The following FBXO34 variants were observed in gnomAD, a reference collection of about 807,000 sequenced individuals.
FBXO34 encodes the protein F-box protein 34.
FBXO34 carries 12 observed loss-of-function variants against 24.5 expected under a neutral mutation model. The observed-to-expected ratio is 0.49, with a 90% confidence interval of 0.31 to 0.79. The LOEUF (loss-of-function observed/expected upper bound fraction) is 0.79, where lower values mean the gene tolerates loss of function less well. Ranked by LOEUF, FBXO34 falls within the 30% of genes least tolerant of loss-of-function variation. FBXO34 has a pLI of 0.04. For synonymous variants in FBXO34, 320 were observed against 311.9 expected (o/e 1.03, Z -0.27); for missense variants, 823 against 857.7 (o/e 0.96, Z 0.51).
the FBXO34 span, among the ~76,000 whole-genome samples, chr14:55,390,015 G>A: frequency 1.3e-5 from 2 of 151,678 alleles, no homozygotes; most frequent in African/African-American, 2.4e-5. Flanking sequence ...TTACAAGTGA[G>A]TACCAAGTTA....
the FBXO34 span, among the ~76,000 whole-genome samples, chr14:55,438,127 C>A: frequency 6.6e-6 from 1 of 152,132 alleles, no homozygotes; most frequent in East Asian, 1.9e-4. Flanking sequence ...GCACTGCTTG[C>A]AGGAGAAACT....
Position 55,321,536 on chromosome 14 carries a change from A to G in FBXO34, c.-10-28845A>G, listed in dbSNP as rs920095272. Among the ~76,000 whole-genome samples, 8 of 152,046 alleles carry G rather than the reference A, an allele frequency of 5.3e-5. No homozygotes were observed. The South Asian group carries it at 1.5e-3, about 28-fold the overall frequency. On this transcript the variant is annotated intron_variant, in intron 1 of 1. Transcript: ENST00000313833. ...CTCAGCCTCCTGAGTAGCTGGGATT[A>G]CAGCCAAATGCCACCACCCCCGGCT...
the FBXO34 span, chr14:55,433,674 G>T: frequency 8.7e-6 from 14 of 1,613,788 alleles, no homozygotes; most frequent in African/African-American, 1.9e-4. Context: ...TAAATATAAG[G>T]GCTGTTGTCC....
chr14:55,410,241 T>C, the FBXO34 span, among the ~76,000 whole-genome samples: 1 of 152,238 alleles, frequency 6.6e-6, no homozygotes, highest in East Asian at 1.9e-4. Context: ...AATAAGCAGC[T>C]GTTTTCTGGA....
the FBXO34 span, chr14:55,411,636 C>T: frequency 6.2e-7 from 1 of 1,612,880 alleles, no homozygotes; most frequent in South Asian, 1.1e-5. Flanking sequence ...TAGACGAAAT[C>T]GCCGCTCTGA....
chr14:55,418,404 C>T, the FBXO34 span, among the ~76,000 whole-genome samples: 1 of 152,250 alleles, frequency 6.6e-6, no homozygotes, highest in East Asian at 1.9e-4. Context: ...TACATCAAGT[C>T]ATAACTGCAC....
At chr14:55,277,920 G>C (rs940401357) in intron 1 of FBXO34, among the ~76,000 whole-genome samples, 1 of 152,156 alleles carries the variant, frequency 6.6e-6, no homozygotes, top group African/African-American at 2.4e-5. Flanking sequence ...GATTTATTGA[G>C]AGAAAGATAT....
chr14:55,311,228 A>G (rs1295606376), intron 1 of FBXO34, among the ~76,000 whole-genome samples: 1 of 152,198 alleles, frequency 6.6e-6, no homozygotes. Flanking sequence ...GGAACTAGCA[A>G]ACACAAAACC....
At chr14:55,368,981 C>CT, downstream of FBXO34, 1 of 152,686 alleles carries the variant, frequency 6.5e-6, no homozygotes, top group Non-Finnish European at 1.5e-5. Flanking sequence ...AAGAAAAAGA[C>CT]TTTCATTTTC....
intron 1 of FBXO34, among the ~76,000 whole-genome samples, chr14:55,288,411 C>T (rs1012067201): frequency 2.6e-5 from 4 of 151,886 alleles, no homozygotes; most frequent in African/African-American, 9.7e-5. Flanking sequence ...TGGGCTACTG[C>T]AAAATTAAAT....
chr14:55,421,312 T>C, the FBXO34 span, among the ~76,000 whole-genome samples: 1 of 152,168 alleles, frequency 6.6e-6, no homozygotes, highest in Non-Finnish European at 1.5e-5. Flanking sequence ...TGGCAGGCTT[T>C]TCTCACTTCC....
chr14:55,376,051 T>C, the FBXO34 span, among the ~76,000 whole-genome samples: 1 of 152,244 alleles, frequency 6.6e-6, no homozygotes. Flanking sequence ...TTCTTTAATC[T>C]GTTAATGTGA....
chr14:55,344,561 T>C (rs1884096712), intron 1 of FBXO34, among the ~76,000 whole-genome samples: 1 of 151,786 alleles, frequency 6.6e-6, no homozygotes, highest in Non-Finnish European at 1.5e-5. Flanking sequence ...TTTTTTTTTT[T>C]TTACTTTAAG....
intron 1 of FBXO34, among the ~76,000 whole-genome samples, chr14:55,344,475 G>A (rs537191906): frequency 6.6e-6 from 1 of 151,470 alleles, no homozygotes; most frequent in South Asian, 2.1e-4. Context: ...GACCAGACCT[G>A]AGTCATTTCG....
At chr14:55,371,790 CGA>C, downstream of FBXO34, among the ~76,000 whole-genome samples, 1 of 152,014 alleles carries the variant, frequency 6.6e-6, no homozygotes, top group Admixed American at 6.5e-5. Flanking sequence ...GGCGACAGAG[CGA>C]GACTCTGTCT....
downstream of FBXO34, among the ~76,000 whole-genome samples, chr14:55,365,237 A>AAAC (rs1236582426): frequency 1.3e-5 from 2 of 150,176 alleles, no homozygotes; most frequent in African/African-American, 4.9e-5. Flanking sequence ...AAAAAAAAAA[A>AAAC]AAAAAAAACA....
chr14:55,327,044 G>C (rs751058070), intron 1 of FBXO34, among the ~76,000 whole-genome samples: 1 of 152,154 alleles, frequency 6.6e-6, no homozygotes, highest in Non-Finnish European at 1.5e-5. Flanking sequence ...GTGCTGCAGA[G>C]AATGTATAGC....
At chr14:55,296,201 A>G (rs1882115851) in intron 1 of FBXO34, among the ~76,000 whole-genome samples, 1 of 152,088 alleles carries the variant, frequency 6.6e-6, no homozygotes, top group African/African-American at 2.4e-5. Flanking sequence ...CTCTTCTACT[A>G]CTTAGACTTA....
At position 55,320,175 on chromosome 14, in the gene FBXO34, C is replaced by G. The variant is rs59224117; in HGVS notation, c.-10-30206C>G. ...GCATCTACCTTGGCATTGCCTGAAGCGTGCATTTGAAAGAGGAAATCTACC... is the reference window on the plus strand; with the variant it reads ...GCATCTACCTTGGCATTGCCTGAAGGGTGCATTTGAAAGAGGAAATCTACC... On this transcript the variant is annotated intron_variant, in intron 1 of 1. Transcript: ENST00000313833. 1.3e-3 allele frequency among the ~76,000 whole-genome samples: 201 copies of G among 152,262 alleles called. 1 individual carries two copies. Among genetic ancestry groups the G allele is most frequent in the African/African-American group, 4.8e-3 (198 of 41,540 alleles).
Sources: gnomAD v4.1 joint callset for allele counts (sites outside exome capture counted in the v4.1 genomes callset) on GRCh38, gnomAD v4.1.1 for gene constraint, MANE v1.5 for transcripts, NCBI Gene and HGNC (gene_info 2026-07-23, HGNC 2026-07-21) for gene names.